The following GRN variants were observed in gnomAD, a reference collection of about 807,000 sequenced individuals.
GRN encodes the protein granulin precursor.
GRN carries 30 observed loss-of-function variants against 66.7 expected under a neutral mutation model. The ratio of observed to expected loss-of-function variants is 0.45; its 90% confidence interval spans 0.34 to 0.61. The LOEUF (loss-of-function observed/expected upper bound fraction) is 0.61. Ranked by LOEUF, GRN falls within the 20% of genes least tolerant of loss-of-function variation. The pLI is 0.01. For synonymous variants in GRN, 327 were observed against 311.1 expected, an observed-to-expected ratio of 1.05 and a Z score of -0.54; for missense variants, 731 against 803.5, an observed-to-expected ratio of 0.91 and a Z score of 1.09.
rs776198499 is a variant in GRN at position 44,350,712 on chromosome 17, T to G, written c.620T>G (p.Met207Arg). The stretch of plus-strand genomic sequence containing the variant: ...CCAGTGGCCTTGTCCAGCTCGGTCA[T>G]GTGTCCGGACGCACGGTCCCGGTGC... ...NRAVALSSSV[M>R]CPDARSRCPD... is the part of the protein sequence containing the mutation. The change falls in exon 7 of 13, where the codon ATG becomes AGG. Residue 207 changes from methionine (M) to arginine (R), a missense_variant. Met to Arg is a moderately conservative substitution (Grantham distance 91, BLOSUM62 -1). Coordinates refer to ENST00000053867, the MANE Select transcript of GRN (RefSeq NM_002087.4). 1 of 1,614,052 alleles carries G rather than the reference T, an allele frequency of 6.2e-7. No individual in the cohort carries two copies. Among genetic ancestry groups the G allele is most frequent in the South Asian group, 1.1e-5 (1 of 91,088 alleles).
intron 8 of GRN, 38 bp downstream of exon 8, chr17:44,351,201 C>A (rs1329408227): frequency 6.2e-7 from 1 of 1,612,682 alleles, no homozygotes; most frequent in Admixed American, 1.7e-5. Context: ...GGTGGGGCCC[C>A]CTTTCCTCCC....
rs764968816 is a variant in GRN, at chr17:44,351,406, C to T, written c.879C>T (p.Gly293=). Residue 293 remains glycine (G), a synonymous_variant, in exon 9 of 13, where the codon GGC becomes GGT. Transcript: ENST00000053867. ...KCDMEVSCPD[G]YTCCRLQSGA... is the part of the protein sequence containing the mutation. ...ACATGGAGGTGAGCTGCCCAGATGG[C>T]TATACCTGCTGCCGTCTACAGTCGG... is the stretch of plus-strand genomic sequence containing the variant. The T allele has an allele frequency of 1.2e-6, 2 of 1,610,884 alleles. No homozygotes were observed. The highest frequency in any genetic ancestry group is 2.2e-5 in the South Asian group (2 of 90,976).
chr17:44,352,011 C>G lies in GRN; in HGVS notation c.1180-4C>G. Reference sequence around the variant, plus strand: ...TACAACGCCCTTTCCTGCCCACCCCCCAGGCTGTCTGCTGCTCGGACCACC... The same window carrying G: ...TACAACGCCCTTTCCTGCCCACCCCGCAGGCTGTCTGCTGCTCGGACCACC... On this transcript the variant is annotated splice_polypyrimidine_tract_variant and splice_region_variant and intron_variant, in intron 10 of 12. Coordinates refer to ENST00000053867, the MANE Select transcript of GRN (RefSeq NM_002087.4). 1 of 1,610,984 alleles carries G rather than the reference C, an allele frequency of 6.2e-7. No homozygotes were observed. Among genetic ancestry groups the G allele is most frequent in the East Asian group, 2.2e-5 (1 of 44,876 alleles).
Position 44,351,165 on chromosome 17 carries a change from TA to T in GRN, c.835+3del, listed in dbSNP as rs764208053. The T allele has an allele frequency of 6.2e-7, 1 of 1,614,108 alleles. No homozygotes were observed. Reference sequence around the variant, plus strand: ...TCACTAAGCTGCCTGCGCACACAGGTACCAGAGGCAGGGTGCAGATACAGGG... The same window carrying T: ...TCACTAAGCTGCCTGCGCACACAGGTCCAGAGGCAGGGTGCAGATACAGGG... On this transcript the variant is annotated splice_donor_region_variant and intron_variant, in intron 8 of 12. Coordinates refer to ENST00000053867, the MANE Select transcript of GRN (RefSeq NM_002087.4).
At chr17:44,347,234 A>G (rs1428517422) in intron 1 of GRN, among the ~76,000 whole-genome samples, 1 of 152,234 alleles carries the variant, frequency 6.6e-6, no homozygotes, top group Admixed American at 6.5e-5. Flanking sequence ...ACCCATCGTA[A>G]GCCTAACTAC....
intron 1 of GRN, among the ~76,000 whole-genome samples, 170 bp from the exon 2 acceptor site, chr17:44,348,988 A>T (rs2048345711): frequency 6.6e-6 from 1 of 152,268 alleles, no homozygotes; most frequent in South Asian, 2.1e-4. Context: ...CGCTGTAGGA[A>T]GCTGACTCTC....
At chr17:44,347,807 C>A (rs1487259901) in intron 1 of GRN, among the ~76,000 whole-genome samples, 1 of 151,626 alleles carries the variant, frequency 6.6e-6, no homozygotes, top group Admixed American at 6.6e-5. Context: ...CAAAAATTAG[C>A]CAGGCGTGGT....
rs1307810499 is a variant in GRN at position 44,350,789 on chromosome 17, C to G, written c.697C>G (p.Pro233Ala). 6.2e-7 allele frequency: 1 copy of G among 1,611,480 alleles called. No homozygotes were observed. The highest frequency in any genetic ancestry group is 8.5e-7 in the Non-Finnish European group (1 of 1,177,698). ...ELPSGKYGCC[P>A]MPNATCCSDH... ...GCCCAGTGGGAAGTATGGCTGCTGC[C>G]CAATGCCCAACGTGAGTGAGGGGCT... The change falls in exon 7 of 13, where the codon CCA (proline) becomes GCA (alanine). Residue 233 changes from proline (P) to alanine (A), a missense_variant. Physicochemically the swap from Pro to Ala is conservative, Grantham distance 27. Coordinates refer to ENST00000053867, the MANE Select transcript of GRN (RefSeq NM_002087.4).
chr17:44,349,970 G>C (rs1478760383), intron 4 of GRN: 2 of 639,570 alleles, frequency 3.1e-6, no homozygotes, highest in Non-Finnish European at 5.6e-6. Context: ...CGTTGTGGGG[G>C]TGGGGAGAGG....
At position 44,350,743 on chromosome 17, in the gene GRN, T is replaced by C. The variant is rs1195095054; in HGVS notation, c.651T>C (p.Asp217=). Residue 217 remains aspartate, a synonymous_variant, in exon 7 of 13, where the codon GAT becomes GAC. Coordinates refer to ENST00000053867, the MANE Select transcript of GRN (RefSeq NM_002087.4). ...CGGACGCACGGTCCCGGTGCCCTGA[T>C]GGTTCTACCTGCTGTGAGCTGCCCA... ...MCPDARSRCP[D]GSTCCELPSG... 1.2e-6 allele frequency: 2 copies of C among 1,614,104 alleles called. No homozygotes were observed. The highest frequency in any genetic ancestry group is 1.7e-5 in the Admixed American group (1 of 60,026).
At position 44,350,712 on chromosome 17, in the gene GRN, T is replaced by C. The variant is rs776198499; in HGVS notation, c.620T>C (p.Met207Thr). Residue 207 changes from methionine (M) to threonine (T), a missense_variant, in exon 7 of 13, where the codon ATG (methionine) becomes ACG (threonine). Physicochemically the swap from Met to Thr is moderately conservative, Grantham distance 81. Coordinates refer to ENST00000053867, the MANE Select transcript of GRN (RefSeq NM_002087.4). ...NRAVALSSSV[M>T]CPDARSRCPD... is the part of the protein sequence containing the mutation. ...CCAGTGGCCTTGTCCAGCTCGGTCA[T>C]GTGTCCGGACGCACGGTCCCGGTGC... is the stretch of plus-strand genomic sequence containing the variant. The C allele has an allele frequency of 4.0e-5, 64 of 1,613,934 alleles. No individual in the cohort carries two copies. Among genetic ancestry groups the C allele is most frequent in the Non-Finnish European group, 5.3e-5 (62 of 1,179,928 alleles).
chr17:44,352,003 C>A lies in GRN; in HGVS notation c.1180-12C>A. ...TGGCTACCTACAACGCCCTTTCCTG[C>A]CCACCCCCCAGGCTGTCTGCTGCTC... On this transcript the variant is annotated splice_polypyrimidine_tract_variant and intron_variant, in intron 10 of 12. Coordinates refer to ENST00000053867, the MANE Select transcript of GRN (RefSeq NM_002087.4). 1.9e-6 allele frequency: 3 copies of A among 1,605,444 alleles called. No homozygotes were observed. Among genetic ancestry groups the A allele is most frequent in the Admixed American group, 1.7e-5 (1 of 60,014 alleles).
rs2048362591 is a variant in GRN, at chr17:44,350,527, G to A, written c.548G>A (p.Gly183Asp). 1 of 1,613,982 alleles carries A rather than the reference G, an allele frequency of 6.2e-7. No individual in the cohort carries two copies. The highest frequency in any genetic ancestry group is 8.5e-7 in the Non-Finnish European group (1 of 1,179,966). ...CACACCCGCTGCATCACACCCACGG[G>A]CACCCACCCCCTGGCAAAGAAGCTC... is the stretch of plus-strand genomic sequence containing the variant. ...LVHTRCITPT[G>D]THPLAKKLPA... is the part of the protein sequence containing the mutation. The change falls in exon 6 of 13, where the codon GGC (glycine) becomes GAC (aspartate). Residue 183 changes from glycine (G) to aspartate (D), a missense_variant. Coordinates refer to ENST00000053867, the MANE Select transcript of GRN (RefSeq NM_002087.4).
chr17:44,351,635 A>T lies in GRN; in HGVS notation c.1019A>T (p.His340Leu), dbSNP rs775196555. 4.5e-5 allele frequency: 73 copies of T among 1,614,006 alleles called. No individual in the cohort carries two copies. The South Asian group carries it at 5.9e-4, about 13-fold the overall frequency. ...TQKGTCEQGP[H>L]QVPWMEKAPA... ...AAGGGTACCTGTGAACAGGGGCCCC[A>T]CCAGGTGCCCTGGATGGAGAAGGCC... The change falls in exon 10 of 13, where the codon CAC (histidine) becomes CTC (leucine). Residue 340 changes from histidine to leucine, a missense_variant. His to Leu is a moderately conservative substitution (Grantham distance 99). Transcript: ENST00000053867.
At chr17:44,351,959 G>A (rs929140231) in intron 10 of GRN, 56 bp from the exon 11 acceptor site, 67 of 1,489,580 alleles carry the variant, frequency 4.5e-5, no homozygotes, top group Middle Eastern at 2.2e-4. Flanking sequence ...GTAGGGGCTC[G>A]GCACTGCGCC....
At position 44,348,644 on chromosome 17, in the gene GRN, G is replaced by A. The variant is rs559741811; in HGVS notation, c.-7-514G>A. Among the ~76,000 whole-genome samples the A allele has an allele frequency of 9.8e-5, 15 of 152,304 alleles. No individual in the cohort carries two copies. The South Asian group carries it at 1.2e-3, about 13-fold the overall frequency. ...TGGTTTCCCATGTCATCATGTGGCC[G>A]CTTCCCGCAAGGCCTTAGCGGGGTG... is the stretch of plus-strand genomic sequence containing the variant. On this transcript the variant is annotated intron_variant, in intron 1 of 12. Coordinates refer to ENST00000053867, the MANE Select transcript of GRN (RefSeq NM_002087.4).
At chr17:44,349,077 G>C (rs1186757532) in intron 1 of GRN, 81 bp from the exon 2 acceptor site, 2 of 1,496,914 alleles carry the variant, frequency 1.3e-6, no homozygotes, top group East Asian at 4.5e-5. Flanking sequence ...ACCTTGGCCT[G>C]GGGCTAGGGT....
Position 44,349,230 on chromosome 17 carries a change from T to C in GRN, c.66T>C (p.Asp22=). The C allele has an allele frequency of 6.2e-7, 1 of 1,614,052 alleles. No homozygotes were observed. The highest frequency in any genetic ancestry group is 8.5e-7 in the Non-Finnish European group (1 of 1,179,986). Residue 22 remains aspartate (D), a synonymous_variant, in exon 2 of 13, where the codon GAT becomes GAC. Coordinates refer to ENST00000053867, the MANE Select transcript of GRN (RefSeq NM_002087.4). The stretch of plus-strand genomic sequence containing the variant: ...TGGTGGCTGGAACGCGGTGCCCAGA[T>C]GGTCAGTTCTGCCCTGTGGCCTGCT... ...AGLVAGTRCP[D]GQFCPVACCL...
rs63750565 is a variant in GRN at position 44,351,388 on chromosome 17, G to C, written c.861G>C (p.Glu287Asp). The change falls in exon 9 of 13, where the codon GAG becomes GAC. Residue 287 changes from glutamate to aspartate, a missense_variant. Around this residue, in one of 3 missense-constraint regions of GRN, gnomAD observed 42 missense variants for 76.6 expected, o/e 0.55. Transcript: ENST00000053867. The stretch of plus-strand genomic sequence containing the variant: ...TGGGGGATGTGAAATGTGACATGGA[G>C]GTGAGCTGCCCAGATGGCTATACCT... ...HTVGDVKCDM[E>D]VSCPDGYTCC... The C allele has an allele frequency of 7.9e-5, 127 of 1,613,628 alleles. No individual in the cohort carries two copies. The highest frequency in any genetic ancestry group is 1.1e-4 in the Non-Finnish European group (125 of 1,179,710).
Sources: gnomAD v4.1 joint callset for allele counts (sites outside exome capture counted in the v4.1 genomes callset) on GRCh38, gnomAD v4.1.1 for gene constraint, gnomAD v4.1.1 regional missense constraint, MANE v1.5 for transcripts, NCBI Gene and HGNC (gene_info 2026-07-23, HGNC 2026-07-21) for gene names.